The following GSN variants were observed in gnomAD, a reference collection of about 807,000 sequenced individuals.
GSN encodes actin-depolymerizing factor.
A neutral mutation model predicts 85.7 loss-of-function variants in GSN; 56 were observed. The ratio of observed to expected loss-of-function variants is 0.65; its 90% CI spans 0.53 to 0.82. GSN has a LOEUF of 0.82. GSN is among the 40% of genes least tolerant of loss of function. The pLI is 0.00. For synonymous variants in GSN, 373 were observed against 399.1 expected, an observed-to-expected ratio of 0.93 and a Z score of 0.78; for missense variants, 857 against 979.8, an observed-to-expected ratio of 0.87 and a Z score of 1.67.
rs1197455036 is a variant in GSN at position 121,239,271 on chromosome 9, T to C, written c.-389+7968T>C. 1.8e-5 allele frequency: 7 copies of C among 380,946 alleles called. No individual in the cohort carries two copies. In the East Asian group the frequency reaches 2.0e-4, roughly 11 times the overall value. 23.6% of individuals were successfully genotyped at this position (380,946 alleles called of 1,614,324 possible). ...GGATAACCAATACATGTTTCTCATA[T>C]TGGTATGCCAGAAATTCGGCTGTGG... On this transcript the variant is annotated intron_variant, in intron 5 of 24. Coordinates refer to the GSN transcript ENST00000373823.
At chr9:121,254,509 C>T (rs892393102) in intron 6 of GSN, among the ~76,000 whole-genome samples, 5 of 152,196 alleles carry the variant, frequency 3.3e-5, no homozygotes, top group African/African-American at 9.7e-5. Context: ...AAAAGCAGAG[C>T]CTCTTTACCT....
intron 5 of GSN, among the ~76,000 whole-genome samples, chr9:121,240,854 A>C (rs975455936): frequency 2.0e-5 from 3 of 152,250 alleles, no homozygotes; most frequent in African/African-American, 7.2e-5. Flanking sequence ...TATGGCACTT[A>C]AAGGAGCCAT....
chr9:121,202,803 G>A (rs7032800), upstream of GSN, among the ~76,000 whole-genome samples: 106,022 of 152,112 alleles, frequency 0.7, 37,444 homozygotes, highest in East Asian at 0.96. Flanking sequence ...TCTCTGACCT[G>A]AAAGTTCATT....
At chr9:121,327,066 T>G in intron 13 of GSN, 1 of 684,900 alleles carries the variant, frequency 1.5e-6, no homozygotes, top group East Asian at 2.8e-5. Flanking sequence ...GTTCTGGGCA[T>G]TCAACTTCTG....
chr9:121,324,757 C>G (rs2062949282), intron 12 of GSN, 113 bp downstream of exon 12: 3 of 601,400 alleles, frequency 5.0e-6, no homozygotes, highest in Non-Finnish European at 9.3e-6. Flanking sequence ...GTCTGTCCAT[C>G]CATCCATCCA....
At chr9:121,267,550 A>C (rs1159996905), upstream of GSN, among the ~76,000 whole-genome samples, 1 of 151,920 alleles carries the variant, frequency 6.6e-6, no homozygotes, top group African/African-American at 2.4e-5. Flanking sequence ...CCAAAGTTAC[A>C]GGACTAGTCG....
chr9:121,320,197 G>C (rs1353595228), intron 10 of GSN, among the ~76,000 whole-genome samples: 2 of 152,196 alleles, frequency 1.3e-5, no homozygotes, highest in Non-Finnish European at 2.9e-5. Flanking sequence ...CCAGGACTTG[G>C]ACGACTCCGT....
rs1208475299 is a variant in GSN at position 121,261,983 on chromosome 9, T to C, written c.-340-3171T>C. ...CCAAGATTTTTTTGGTGTGGGTGTG[T>C]TTAAGGGATTTTATGAATTACTTTT... On this transcript the variant is annotated intron_variant, in intron 6 of 24. Transcript: ENST00000373823. This position sits in a 1 kb window ranked among gnomAD's most constrained non-coding sequence, Gnocchi z 4.1. 6.6e-6 allele frequency among the ~76,000 whole-genome samples: 1 copy of C among 152,134 alleles called. No homozygotes were observed.
intron 12 of GSN, 58 bp from the exon 13 acceptor site, chr9:121,326,454 T>C (rs771747913): frequency 1.4e-5 from 20 of 1,425,062 alleles, no homozygotes; most frequent in South Asian, 3.5e-5. Flanking sequence ...CAGTGCGACA[T>C]AGAAGGACTG....
chr9:121,241,414 G>A lies in GSN; in HGVS notation c.-388-6862G>A, dbSNP rs146933621. Among the ~76,000 whole-genome samples, 13 of 152,260 alleles carry A rather than the reference G, an allele frequency of 8.5e-5. 1 individual carries two copies. In the East Asian group the frequency reaches 2.5e-3, roughly 29 times the overall value. On this transcript the variant is annotated intron_variant, in intron 5 of 24. Transcript: ENST00000373823. ...AAACTCATAGGAAGAGTCCCTGTCC[G>A]TGGATGTCATATCCTCAGCCAAAAA...
chr9:121,305,276 C>T (rs1009728105), intron 4 of GSN, among the ~76,000 whole-genome samples: 5 of 152,118 alleles, frequency 3.3e-5, no homozygotes, highest in South Asian at 2.1e-4. Context: ...ATTTCATAGA[C>T]GAGGAAGCTG....
chr9:121,300,101 G>T (rs369491966), intron 2 of GSN: 133 of 1,611,602 alleles, frequency 8.3e-5, no homozygotes, highest in Non-Finnish European at 1.1e-4. Flanking sequence ...TTCAGGTCTA[G>T]AATGGAAAAA....
chr9:121,246,324 C>T (rs2054699250), intron 5 of GSN, among the ~76,000 whole-genome samples: 1 of 152,082 alleles, frequency 6.6e-6, no homozygotes, highest in Non-Finnish European at 1.5e-5. Context: ...CTCAGAGCTG[C>T]TGCAGTCACT....
Position 121,318,819 on chromosome 9 carries a change from A to G in GSN, c.1130A>G (p.His377Arg). Residue 377 changes from histidine to arginine, a missense_variant, in exon 10 of 18, where the codon CAC becomes CGC. His to Arg is a conservative substitution (Grantham distance 29). Coordinates refer to ENST00000432226, the MANE Select transcript of GSN (RefSeq NM_198252.3). The surrounding 1 kb of genome is among the most constrained non-coding windows in gnomAD (Gnocchi z 4.3). ...GTGCCCTTCGACGCCGCCACCCTGC[A>G]CACCTCCACTGCCATGGCCGCCCAG... Reference protein sequence around the residue: ...ERVPFDAATLHTSTAMAAQHG... With the variant: ...ERVPFDAATLRTSTAMAAQHG... 16 of 1,614,040 alleles carry G rather than the reference A, an allele frequency of 9.9e-6. No homozygotes were observed. Among genetic ancestry groups the G allele is most frequent in the Non-Finnish European group, 1.4e-5 (16 of 1,180,008 alleles).
chr9:121,302,117 CAG>C lies in GSN; in HGVS notation c.147_148del (p.Val50AlafsTer10). 1.2e-6 allele frequency: 2 copies of C among 1,614,230 alleles called. No individual in the cohort carries two copies. Among genetic ancestry groups the C allele is most frequent in the Non-Finnish European group, 1.7e-6 (2 of 1,180,014 alleles). On this transcript the variant is annotated frameshift_variant, in exon 3 of 18. Transcript: ENST00000432226. LOFTEE classifies it high-confidence loss of function. Reference sequence around the variant, plus strand: ...GGCGACGCCTACGTCATCCTGAAGACAGTGCAGCTGAGGAACGGAAATCTGCA... The same window carrying C: ...GGCGACGCCTACGTCATCCTGAAGACTGCAGCTGAGGAACGGAAATCTGCA...
chr9:121,313,189 T>C (rs2061364833), intron 6 of GSN: 1 of 155,320 alleles, frequency 6.4e-6, no homozygotes, highest in Admixed American at 6.3e-5. Context: ...TCCCCTCTTT[T>C]CTCTTCTGAC....
intron 6 of GSN, among the ~76,000 whole-genome samples, chr9:121,259,937 G>T (rs1331011506): frequency 6.6e-6 from 1 of 152,170 alleles, no homozygotes; most frequent in Non-Finnish European, 1.5e-5. Flanking sequence ...CTGTTTAAAG[G>T]CTCCTCCCCC....
At chr9:121,273,499 G>T (rs1257312897) in intron 1 of GSN, among the ~76,000 whole-genome samples, 4 of 151,768 alleles carry the variant, frequency 2.6e-5, no homozygotes, top group African/African-American at 9.7e-5. Context: ...TATTACACTT[G>T]TGATAGAAAA....
chr9:121,324,001 T>A (rs1318642379), intron 11 of GSN, among the ~76,000 whole-genome samples: 2 of 152,218 alleles, frequency 1.3e-5, no homozygotes, highest in Non-Finnish European at 2.9e-5. Context: ...ATATGTTGGT[T>A]ATGGAAAACT....
Sources: allele counts gnomAD v4.1 joint callset (sites outside exome capture counted in the v4.1 genomes callset), GRCh38; gene constraint gnomAD v4.1.1; non-coding constraint Gnocchi (gnomAD v3.1); transcripts MANE v1.5; gene names NCBI Gene and HGNC (gene_info 2026-07-23, HGNC 2026-07-21).